Variants in UNC13C observed in about 807,000 individuals in gnomAD.
UNC13C encodes the protein protein unc-13 homolog C.
Under a neutral mutation model 245.4 loss-of-function variants are expected in UNC13C, and 174 were observed. The observed-to-expected ratio is 0.71, with a 90% CI of 0.63 to 0.80. The LOEUF is 0.80. UNC13C is among the 30% of genes least tolerant of loss of function. The pLI, the probability that UNC13C is intolerant of heterozygous loss-of-function variation, is 0.00. For synonymous variants in UNC13C, 992 were observed against 895.1 expected (o/e 1.11, Z -1.93); for missense variants, 2,829 against 2,602.9 (o/e 1.09, Z -1.89).
At chr15:54,457,094 C>T (rs1225774188) in intron 19 of UNC13C, among the ~76,000 whole-genome samples, 1 of 152,066 alleles carries the variant, frequency 6.6e-6, no homozygotes, top group Non-Finnish European at 1.5e-5. Flanking sequence ...GGAAGGGATG[C>T]TGGATTTTAT....
intron 2 of UNC13C, among the ~76,000 whole-genome samples, chr15:54,078,473 C>T (rs1336861710): frequency 6.6e-6 from 1 of 152,022 alleles, no homozygotes; most frequent in Non-Finnish European, 1.5e-5. Flanking sequence ...TAAGTGTTCC[C>T]TTTCTCTGCC....
intron 26 of UNC13C, among the ~76,000 whole-genome samples, chr15:54,535,016 A>T (rs1277158589): frequency 6.6e-6 from 1 of 152,190 alleles, no homozygotes; most frequent in East Asian, 1.9e-4. Context: ...CTGCATAACA[A>T]CCAGCTAAAG....
intron 17 of UNC13C, among the ~76,000 whole-genome samples, chr15:54,356,303 A>G (rs1021333018): frequency 2.6e-5 from 4 of 152,210 alleles, no homozygotes; most frequent in African/African-American, 9.6e-5. Context: ...AGATACCAAC[A>G]AATTAACCTC....
chr15:54,347,051 C>G (rs897549455), intron 17 of UNC13C, among the ~76,000 whole-genome samples: 2 of 152,082 alleles, frequency 1.3e-5, no homozygotes, highest in African/African-American at 4.8e-5. Flanking sequence ...GGAACAAGAG[C>G]AGGATGAATT....
intron 17 of UNC13C, among the ~76,000 whole-genome samples, chr15:54,375,657 T>A (rs1352028309): frequency 2.0e-5 from 3 of 152,194 alleles, no homozygotes; most frequent in African/African-American, 7.2e-5. Flanking sequence ...TTTTCTGAGG[T>A]CAGATACATT....
At chr15:54,151,218 T>G (rs1472794881) in intron 4 of UNC13C, among the ~76,000 whole-genome samples, 1 of 152,192 alleles carries the variant, frequency 6.6e-6, no homozygotes, top group Non-Finnish European at 1.5e-5. Flanking sequence ...ATAAGAAACC[T>G]GATGTCTATT....
chr15:54,266,943 A>G (rs777693807), intron 10 of UNC13C, among the ~76,000 whole-genome samples: 3 of 152,022 alleles, frequency 2.0e-5, no homozygotes, highest in Non-Finnish European at 4.4e-5. Context: ...CATTCAACGT[A>G]ATTATTTTGA....
At chr15:54,061,860 T>C (rs1212585884) in intron 2 of UNC13C, among the ~76,000 whole-genome samples, 1 of 152,156 alleles carries the variant, frequency 6.6e-6, no homozygotes, top group Non-Finnish European at 1.5e-5. Flanking sequence ...TCCCCTTCAT[T>C]CTTAGCATGG....
At chr15:54,103,288 A>G (rs1900260839) in intron 2 of UNC13C, among the ~76,000 whole-genome samples, 1 of 152,110 alleles carries the variant, frequency 6.6e-6, no homozygotes, top group African/African-American at 2.4e-5. Flanking sequence ...CACTTATTTT[A>G]AGGAGTTCGC....
chr15:54,543,283 G>C (rs1258654739), intron 26 of UNC13C, among the ~76,000 whole-genome samples: 1 of 152,098 alleles, frequency 6.6e-6, no homozygotes, highest in African/African-American at 2.4e-5. Context: ...GAATCTCTGG[G>C]ACACAGCTAA....
intron 17 of UNC13C, among the ~76,000 whole-genome samples, chr15:54,366,118 G>A (rs1467471070): frequency 1.3e-5 from 2 of 152,104 alleles, no homozygotes; most frequent in African/African-American, 4.8e-5. Context: ...TTAAATTACA[G>A]CATCTCTCTG....
chr15:54,342,536 T>C (rs2141011580), intron 17 of UNC13C, among the ~76,000 whole-genome samples: 1 of 151,542 alleles, frequency 6.6e-6, no homozygotes, highest in African/African-American at 2.4e-5. Flanking sequence ...ATTCCAGCCT[T>C]GGTGACACAG....
intron 17 of UNC13C, among the ~76,000 whole-genome samples, chr15:54,342,790 G>GT (rs140156862): frequency 0.1 from 15,090 of 151,638 alleles, 1,205 homozygotes; most frequent in East Asian, 0.43. Flanking sequence ...TTTTGTTTTT[G>GT]TTTTTTTTGT....
At chr15:54,587,931 G>A (rs1245067462) in intron 30 of UNC13C, among the ~76,000 whole-genome samples, 2 of 152,142 alleles carry the variant, frequency 1.3e-5, no homozygotes, top group Non-Finnish European at 1.5e-5. Context: ...ATTATTCACT[G>A]TGCATTTGTT....
At chr15:54,435,005 A>G (rs2040951959) in intron 19 of UNC13C, among the ~76,000 whole-genome samples, 1 of 152,172 alleles carries the variant, frequency 6.6e-6, no homozygotes, top group Non-Finnish European at 1.5e-5. Flanking sequence ...TTCATTAGAG[A>G]CATGGAAATC....
chr15:53,973,075 T>G, the UNC13C span, among the ~76,000 whole-genome samples: 1 of 152,084 alleles, frequency 6.6e-6, no homozygotes, highest in Non-Finnish European at 1.5e-5. Context: ...AATAGACATA[T>G]TGAACACATA....
chr15:54,461,085 A>T (rs977055710), intron 19 of UNC13C, among the ~76,000 whole-genome samples: 1 of 151,762 alleles, frequency 6.6e-6, no homozygotes, highest in African/African-American at 2.4e-5. Flanking sequence ...TATTTTTTTG[A>T]CTTATTTATA....
chr15:54,456,786 T>C (rs773629533), intron 19 of UNC13C, among the ~76,000 whole-genome samples: 5 of 151,950 alleles, frequency 3.3e-5, no homozygotes, highest in Non-Finnish European at 5.9e-5. Flanking sequence ...TGAATGAGTT[T>C]TTAGGGTTTT....
intron 2 of UNC13C, among the ~76,000 whole-genome samples, chr15:54,101,838 C>T (rs1900182064): frequency 6.6e-6 from 1 of 151,876 alleles, no homozygotes; most frequent in Non-Finnish European, 1.5e-5. Flanking sequence ...CTCGCCTTGG[C>T]CTCCCAAAGT....
Sources: allele counts gnomAD v4.1 joint callset (sites outside exome capture counted in the v4.1 genomes callset), GRCh38; gene constraint gnomAD v4.1.1; transcripts MANE v1.5; gene names NCBI Gene and HGNC (gene_info 2026-07-23, HGNC 2026-07-21).